Variants in CAND2 observed in about 807,000 individuals in gnomAD.
The protein encoded by CAND2 is cullin associated and neddylation dissociated 2 (putative).
CAND2 carries 62 observed loss-of-function variants against 98.9 expected under a neutral mutation model. The ratio of observed to expected loss-of-function variants is 0.63; its 90% CI spans 0.51 to 0.77. The LOEUF (loss-of-function observed/expected upper bound fraction) is 0.77. CAND2 is among the 30% of genes least tolerant of loss of function. The pLI, the probability that CAND2 is intolerant of heterozygous loss-of-function variation, is 0.00. For missense variants in CAND2, 1,501 were observed against 1,655.2 expected (o/e 0.91, Z 1.62); for synonymous variants, 770 against 731.9 (o/e 1.05, Z -0.84).
Position 12,831,391 on chromosome 3 carries a change from G to A in CAND2, c.3376-74G>A, listed in dbSNP as rs140700031. The A allele has an allele frequency of 2.1e-3, 2,548 of 1,224,080 alleles. 39 individuals carry two copies. The African/African-American group carries it at 0.034, about 16-fold the overall frequency. 75.8% of individuals were successfully genotyped at this position (1,224,080 alleles called of 1,614,324 possible). On this transcript the variant is annotated intron_variant, in intron 13 of 14. Coordinates refer to ENST00000456430, the MANE Select transcript of CAND2 (RefSeq NM_001162499.2). ...TTCAGGTTTCAGTTGTGGGGCCTCT[G>A]CTCTTTCCCAGGGCTGGCTGCTGCT... is the stretch of plus-strand genomic sequence containing the variant.
rs536196053 is a variant in CAND2 at position 12,830,706 on chromosome 3, G to T, written c.3376-759G>T. Among the ~76,000 whole-genome samples the T allele has an allele frequency of 3.3e-5, 5 of 152,346 alleles. No homozygotes were observed. The East Asian group carries it at 5.8e-4, about 18-fold the overall frequency. On this transcript the variant is annotated intron_variant, in intron 13 of 14. Transcript: ENST00000456430. ...CTTCAAGTGAGCCTTTAGAGAGGGA[G>T]TGAACACCGCCCAGTTCACAGGGGA...
At position 12,812,221 on chromosome 3, in the gene CAND2, C is replaced by CTTTTTTTTTTTTTTTT. The variant is rs531439250; in HGVS notation, c.758-765_758-750dup. On this transcript the variant is annotated intron_variant, in intron 5 of 14. Transcript: ENST00000456430. ...ACCATGCCCGGCCTAAGCTGTTTAT[C>CTTTTTTTTTTTTTTTT]TTTTTTTTTTTTTTTTTTTGGAGAT... is the stretch of plus-strand genomic sequence containing the variant. Among the ~76,000 whole-genome samples, 534 of 74,478 alleles carry CTTTTTTTTTTTTTTTT rather than the reference C, an allele frequency of 7.2e-3. 103 individuals are homozygous for CTTTTTTTTTTTTTTTT. Among genetic ancestry groups the CTTTTTTTTTTTTTTTT allele is most frequent in the Non-Finnish European group, 8.3e-3 (330 of 39,624 alleles). The allele number at this position is 74,478 out of a possible 152,430, so 48.9% of individuals were successfully genotyped here. A position where few individuals can be genotyped will look rare whatever the true frequency, so the allele number is the denominator to read the frequency against.
Position 12,810,079 on chromosome 3 carries a change from C to A in CAND2, c.512C>A (p.Ala171Asp). 6.9e-7 allele frequency: 1 copy of A among 1,440,594 alleles called. No homozygotes were observed. The highest frequency in any genetic ancestry group is 9.1e-7 in the Non-Finnish European group (1 of 1,097,804). 89.2% of individuals were successfully genotyped at this position (1,440,594 alleles called of 1,614,324 possible). ...CCCAGGCTGGGTGTCCCGCTGGGCG[C>A]CTTCCACGCCAGCCTCCTGCACTGT... The part of the protein sequence containing the change: ...MLSRLGVPLG[A>D]FHASLLHCLL... Residue 171 changes from alanine (A) to aspartate (D), a missense_variant, in exon 5 of 15, where the codon GCC (alanine) becomes GAC (aspartate). This residue lies in a region of CAND2 where 1,427 missense variants were observed against 1,545.3 expected (regional missense o/e 0.92). Coordinates refer to ENST00000456430, the MANE Select transcript of CAND2 (RefSeq NM_001162499.2).
intron 4 of CAND2, 23 bp from the exon 5 acceptor site, chr3:12,810,036 T>C: frequency 7.2e-7 from 1 of 1,394,346 alleles, no homozygotes; most frequent in Non-Finnish European, 9.3e-7. Context: ...GCGATCGGCC[T>C]GATGCCCCCT....
At chr3:12,807,992 G>A (rs1294090749) in intron 3 of CAND2, among the ~76,000 whole-genome samples, 1 of 152,242 alleles carries the variant, frequency 6.6e-6, no homozygotes, top group Non-Finnish European at 1.5e-5. Flanking sequence ...TTGGGTGTGT[G>A]TAAGTCACCC....
intron 1 of CAND2, among the ~76,000 whole-genome samples, chr3:12,801,934 C>T (rs907743814): frequency 1.3e-5 from 2 of 152,174 alleles, no homozygotes; most frequent in East Asian, 1.9e-4. Context: ...GGGACTGAGC[C>T]GGTTCTCTGA....
chr3:12,803,652 A>G (rs2061783447), intron 2 of CAND2, 21 bp downstream of exon 2: 2 of 1,581,036 alleles, frequency 1.3e-6, no homozygotes, highest in Non-Finnish European at 1.7e-6. Flanking sequence ...GCCTCGGTGG[A>G]GCAGGAGAGG....
Position 12,810,185 on chromosome 3 carries a change from C to T in CAND2, c.618C>T (p.Cys206=). The T allele has an allele frequency of 2.6e-6, 4 of 1,537,850 alleles. No homozygotes were observed. Among genetic ancestry groups the T allele is most frequent in the Non-Finnish European group, 3.5e-6 (4 of 1,147,578 alleles). Residue 206 remains cysteine, a synonymous_variant, in exon 5 of 15, where the codon TGC becomes TGT. Transcript: ENST00000456430. ...VGALGHLAAA[C]STDLFVELAD... is the part of the protein sequence containing the mutation. ...CGCTTGGCCACCTGGCGGCCGCCTG[C>T]AGCACCGACCTCTTCGTCGAGCTCG...
chr3:12,817,550 C>T lies in CAND2; in HGVS notation c.2618C>T (p.Pro873Leu), dbSNP rs773773653. ...GTGCTCCTGGAAGCTTTGGGGTCAC[C>T]CAGTGAGGATGTGAGGGCTGCAGCC... Reference protein sequence around the residue: ...KAVLLEALGSPSEDVRAAASY... With the variant: ...KAVLLEALGSLSEDVRAAASY... Residue 873 changes from proline (P) to leucine (L), a missense_variant, in exon 10 of 15, where the codon CCC becomes CTC. By Grantham distance (98) the Pro-to-Leu change is moderately conservative. This residue lies in a region of CAND2 where 1,427 missense variants were observed against 1,545.3 expected (regional missense o/e 0.92). Coordinates refer to ENST00000456430, the MANE Select transcript of CAND2 (RefSeq NM_001162499.2). 6.2e-6 allele frequency: 10 copies of T among 1,613,774 alleles called. No homozygotes were observed. In the East Asian group the frequency reaches 2.0e-4, roughly 32 times the overall value.
chr3:12,830,498 T>C (rs11914341), intron 13 of CAND2, among the ~76,000 whole-genome samples: 27,565 of 152,152 alleles, frequency 0.18, 3,313 homozygotes, highest in African/African-American at 0.35. Flanking sequence ...GGGATTTTTC[T>C]CCAGGATCGA....
intron 6 of CAND2, 37 bp from the exon 7 acceptor site, chr3:12,813,209 C>A: frequency 6.2e-7 from 1 of 1,608,802 alleles, no homozygotes. Context: ...CCTGTCCTGG[C>A]TGGATCCAGC....
At chr3:12,832,515 C>G (rs1248577652) in intron 14 of CAND2, 3 of 152,194 alleles carry the variant, frequency 2.0e-5, no homozygotes, top group Non-Finnish European at 4.4e-5. Flanking sequence ...CTCATCTGGC[C>G]ACGCGGAGGA....
chr3:12,818,273 ACAAAAC>A (rs374621588), intron 10 of CAND2, among the ~76,000 whole-genome samples: 2 of 147,632 alleles, frequency 1.4e-5, no homozygotes, highest in Admixed American at 6.7e-5. Flanking sequence ...AAAAAAAAAA[ACAAAAC>A]AAAAAACCTC....
rs573891573 is a variant in CAND2, at chr3:12,807,542, A to C, written c.367+82A>C. 547 of 1,394,410 alleles carry C rather than the reference A, an allele frequency of 3.9e-4. 4 individuals carry two copies. The African/African-American group carries it at 6.4e-3, about 16-fold the overall frequency. 86.4% of individuals were successfully genotyped at this position (1,394,410 alleles called of 1,614,324 possible). ...AAACAAACGAAAAAACAAAAAAAAA[A>C]CACTGAGGCTCAGAGAGTTGAAGAG... On this transcript the variant is annotated intron_variant, in intron 3 of 14. Transcript: ENST00000456430.
intron 2 of CAND2, among the ~76,000 whole-genome samples, chr3:12,806,057 C>T (rs541559213): frequency 5.9e-5 from 9 of 152,252 alleles, no homozygotes; most frequent in Admixed American, 4.6e-4. Flanking sequence ...GGTTTGAAAA[C>T]CATGGTGCAC....
intron 13 of CAND2, among the ~76,000 whole-genome samples, chr3:12,830,786 A>G (rs1188419590): frequency 6.6e-6 from 1 of 152,340 alleles, no homozygotes; most frequent in East Asian, 1.9e-4. Context: ...CAAGAGTCAT[A>G]GCTCCTGAAG....
At position 12,834,008 on chromosome 3, in the gene CAND2, C is replaced by T. The variant is rs766894818; in HGVS notation, c.*26C>T. 14 of 1,594,814 alleles carry T rather than the reference C, an allele frequency of 8.8e-6. No homozygotes were observed. Among genetic ancestry groups the T allele is most frequent in the Middle Eastern group, 1.7e-4 (1 of 6,056 alleles). ...TCCCCTCAGCACCAAGGTGGGCCCT[C>T]GCTTAAGAGAAAGGAGCCCACCCAA... is the stretch of plus-strand genomic sequence containing the variant. On this transcript the variant is annotated 3_prime_UTR_variant, in exon 15 of 15. Transcript: ENST00000456430.
At chr3:12,811,028 A>G (rs1241837812) in intron 5 of CAND2, among the ~76,000 whole-genome samples, 2 of 152,150 alleles carry the variant, frequency 1.3e-5, no homozygotes, top group East Asian at 1.9e-4. Context: ...AGTTCTGACT[A>G]TACCAAGACA....
intron 11 of CAND2, 111 bp downstream of exon 11, chr3:12,820,292 T>C (rs1575776657): frequency 2.6e-6 from 2 of 763,048 alleles, no homozygotes; most frequent in African/African-American, 3.5e-5. Context: ...ACCCGGGAGG[T>C]GTGCCCATGA....
Sources: allele counts gnomAD v4.1 joint callset (sites outside exome capture counted in the v4.1 genomes callset), GRCh38; gene constraint gnomAD v4.1.1; regional missense constraint gnomAD v4.1.1; transcripts MANE v1.5; gene names NCBI Gene and HGNC (gene_info 2026-07-23, HGNC 2026-07-21).